The following ATP11B variants were observed in gnomAD, a reference collection of about 807,000 sequenced individuals.
ATP11B encodes phospholipid-transporting ATPase IF.
ATP11B carries 81 observed loss-of-function variants against 157.8 expected under a neutral mutation model. The ratio of observed to expected loss-of-function variants is 0.51; its 90% confidence interval spans 0.43 to 0.62. ATP11B has a LOEUF of 0.62. Among genes scored for constraint, ATP11B ranks in the 20% least tolerant of loss-of-function variants. The pLI is 0.00. For synonymous variants in ATP11B, 451 were observed against 469.4 expected (o/e 0.96, Z 0.51); for missense variants, 1,165 against 1,402.2 (o/e 0.83, Z 2.70).
intron 17 of ATP11B, among the ~76,000 whole-genome samples, chr3:182,869,606 A>T (rs1295704529): frequency 6.6e-6 from 1 of 152,220 alleles, no homozygotes. Context: ...AACATAGGGG[A>T]ATCCTAATGA....
intron 7 of ATP11B, among the ~76,000 whole-genome samples, chr3:182,840,953 A>C (rs1718963691): frequency 6.6e-6 from 1 of 152,108 alleles, no homozygotes; most frequent in Non-Finnish European, 1.5e-5. Context: ...GTCAAAGCCC[A>C]TATGTCTATA....
At chr3:182,896,843 C>T in intron 26 of ATP11B, 78 bp downstream of exon 26, 3 of 978,938 alleles carry the variant, frequency 3.1e-6, no homozygotes, top group Non-Finnish European at 4.6e-6. Flanking sequence ...ATTTCTTTAG[C>T]CATAGATACT....
chr3:182,844,071 C>T (rs2108517828), intron 8 of ATP11B: 2 of 152,262 alleles, frequency 1.3e-5, no homozygotes, highest in East Asian at 3.9e-4. Flanking sequence ...ACTTCAGCCC[C>T]TAGAATGGTT....
chr3:182,907,881 T>C (rs1010457284), intron 28 of ATP11B, among the ~76,000 whole-genome samples: 1 of 152,240 alleles, frequency 6.6e-6, no homozygotes, highest in African/African-American at 2.4e-5. Flanking sequence ...CAGCTGAGAA[T>C]TGGGTTCTTA....
intron 28 of ATP11B, among the ~76,000 whole-genome samples, chr3:182,912,242 A>G (rs1724845003): frequency 6.6e-6 from 1 of 152,064 alleles, no homozygotes. Context: ...AATATGAATG[A>G]TCCTCCTGGT....
rs538873911 is a variant in ATP11B at position 182,918,341 on chromosome 3, C to G, written c.*237C>G. 1.9e-4 allele frequency: 95 copies of G among 500,444 alleles called. No homozygotes were observed. In the East Asian group the frequency reaches 2.6e-3, roughly 13 times the overall value. The allele number at this position is 500,444 out of a possible 1,614,324, so 31.0% of individuals were successfully genotyped here. ...GAGAATAAAGAGACATTTTTCATCT[C>G]TTTGTCTGGTTTGTCCCTTGTGCTT... On this transcript the variant is annotated 3_prime_UTR_variant, in exon 30 of 30. Transcript: ENST00000323116.
At chr3:182,906,202 A>C (rs1354332351) in intron 28 of ATP11B, among the ~76,000 whole-genome samples, 1 of 152,194 alleles carries the variant, frequency 6.6e-6, no homozygotes, top group Admixed American at 6.5e-5. Context: ...ATTGTCTTAC[A>C]TTCAAGAAAA....
rs1434937801 is a variant in ATP11B at position 182,918,214 on chromosome 3, A to C, written c.*110A>C. 1.2e-5 allele frequency: 18 copies of C among 1,492,440 alleles called. No homozygotes were observed. Among genetic ancestry groups the C allele is most frequent in the Middle Eastern group, 1.8e-4 (1 of 5,614 alleles). The allele number at this position is 1,492,440 out of a possible 1,614,324, so 92.4% of individuals were successfully genotyped here. ...TGAAATTAATTTCCAAAATCTTTGT[A>C]GTAGTTCATACCCACTCAGAGTTAT... On this transcript the variant is annotated 3_prime_UTR_variant, in exon 30 of 30. Coordinates refer to ENST00000323116, the MANE Select transcript of ATP11B (RefSeq NM_014616.3).
intron 1 of ATP11B, among the ~76,000 whole-genome samples, chr3:182,819,791 G>GT (rs1462967964): frequency 6.6e-6 from 1 of 152,138 alleles, no homozygotes; most frequent in Non-Finnish European, 1.5e-5. Flanking sequence ...GATGTGGTAG[G>GT]TGCTTATTAG....
At chr3:182,889,097 G>C (rs530560208) in intron 24 of ATP11B, among the ~76,000 whole-genome samples, 321 of 152,130 alleles carry the variant, frequency 2.1e-3, no homozygotes, top group Middle Eastern at 3.4e-3. Flanking sequence ...TCTTAACCTT[G>C]TGATCCGCCC....
At chr3:182,810,091 G>A (rs1426150105) in intron 1 of ATP11B, among the ~76,000 whole-genome samples, 1 of 152,040 alleles carries the variant, frequency 6.6e-6, no homozygotes, top group Non-Finnish European at 1.5e-5. Flanking sequence ...ATGCACTTTG[G>A]GAAGCCGAGG....
intron 7 of ATP11B, among the ~76,000 whole-genome samples, chr3:182,840,004 T>C (rs866582211): frequency 6.6e-6 from 1 of 152,200 alleles, no homozygotes; most frequent in Non-Finnish European, 1.5e-5. Context: ...TTTTTAAATA[T>C]TGCAGGAAGC....
At chr3:182,905,161 A>T (rs2108587922) in intron 28 of ATP11B, among the ~76,000 whole-genome samples, 1 of 152,258 alleles carries the variant, frequency 6.6e-6, no homozygotes, top group East Asian at 1.9e-4. Context: ...GATGAGGCAA[A>T]ATTGTTTTTT....
At chr3:182,819,615 T>G (rs780309184) in intron 1 of ATP11B, among the ~76,000 whole-genome samples, 1 of 152,174 alleles carries the variant, frequency 6.6e-6, no homozygotes, top group Non-Finnish European at 1.5e-5. Flanking sequence ...ATATCTCTAT[T>G]TCAGTAAGTC....
Position 182,900,964 on chromosome 3 carries a change from G to A in ATP11B, c.3318+2192G>A, listed in dbSNP as rs535018598. Among the ~76,000 whole-genome samples, 4 of 151,914 alleles carry A rather than the reference G, an allele frequency of 2.6e-5. No homozygotes were observed. In the South Asian group the frequency reaches 8.3e-4, roughly 32 times the overall value. ...TGGGAGGCCGAGGCAGGTGGATCAC[G>A]AGGTCAGGAGATCGAGACCATCCTG... is the stretch of plus-strand genomic sequence containing the variant. On this transcript the variant is annotated intron_variant, in intron 28 of 29. Coordinates refer to ENST00000323116, the MANE Select transcript of ATP11B (RefSeq NM_014616.3).
intron 29 of ATP11B, 100 bp from the exon 30 acceptor site, chr3:182,917,923 A>T: frequency 6.7e-7 from 1 of 1,490,440 alleles, no homozygotes; most frequent in South Asian, 1.5e-5. Context: ...AAATGAATCA[A>T]TCAGTGATTG....
chr3:182,916,294 AT>A, intron 29 of ATP11B: 1 of 985,340 alleles, frequency 1.0e-6, no homozygotes, highest in Non-Finnish European at 1.2e-6. Flanking sequence ...TGAGACTGCC[AT>A]TCCAAGATGT....
Position 182,817,244 on chromosome 3 carries a change from G to A in ATP11B, c.28-3016G>A, listed in dbSNP as rs1717019003. Among the ~76,000 whole-genome samples the A allele has an allele frequency of 2.7e-5, 4 of 149,818 alleles. No homozygotes were observed. The South Asian group carries it at 6.3e-4, about 23-fold the overall frequency. ...TGCTCTATAGGATTTTTAAAATTCAGTTTAATTTATAATGTATTTTGGGGG... is the reference window on the plus strand; with the variant it reads ...TGCTCTATAGGATTTTTAAAATTCAATTTAATTTATAATGTATTTTGGGGG... On this transcript the variant is annotated intron_variant, in intron 1 of 29. Transcript: ENST00000323116.
At chr3:182,846,484 G>A (rs192008171) in intron 9 of ATP11B, among the ~76,000 whole-genome samples, 184 of 152,276 alleles carry the variant, frequency 1.2e-3, no homozygotes, top group Middle Eastern at 6.8e-3. Context: ...TATACCCAAA[G>A]TAACTGAAAA....
Sources: allele counts gnomAD v4.1 joint callset (sites outside exome capture counted in the v4.1 genomes callset), GRCh38; gene constraint gnomAD v4.1.1; transcripts MANE v1.5; gene names NCBI Gene and HGNC (gene_info 2026-07-23, HGNC 2026-07-21).